Variants in MYH15 observed in about 807,000 individuals in gnomAD.
MYH15 encodes myosin heavy chain 15, also known as myosin-15.
MYH15 carries 227 observed loss-of-function variants against 240.5 expected under a neutral mutation model. That is an observed-to-expected ratio of 0.94 (90% confidence interval 0.85 to 1.05). MYH15 has a LOEUF of 1.05. Among genes scored for constraint, MYH15 ranks in the 50% least tolerant of loss-of-function variants. The pLI is 0.00. For synonymous variants in MYH15, 785 were observed against 796.7 expected, an observed-to-expected ratio of 0.99 and a Z score of 0.25; for missense variants, 2,217 against 2,247.5, an observed-to-expected ratio of 0.99 and a Z score of 0.27.
At chr3:108,549,364 G>A in the MYH15 span, among the ~76,000 whole-genome samples, 103 of 151,900 alleles carry the variant, frequency 6.8e-4, 1 homozygote, top group Non-Finnish European at 1.2e-3. Context: ...AATATGAAAG[G>A]TGTTACAAGA....
chr3:108,399,319 A>C, intron 33 of MYH15, 52 bp from the exon 34 acceptor site: 1 of 1,407,982 alleles, frequency 7.1e-7, no homozygotes, highest in South Asian at 1.2e-5. Flanking sequence ...CAAATTAATC[A>C]AATTCACCTG....
intron 37 of MYH15, among the ~76,000 whole-genome samples, chr3:108,389,884 G>C (rs1327684906): frequency 6.6e-6 from 1 of 152,064 alleles, no homozygotes. Flanking sequence ...TCTTGAGAAC[G>C]GGAAGGCCAG....
At chr3:108,509,759 G>A (rs1238826061) in intron 1 of MYH15, among the ~76,000 whole-genome samples, 3 of 151,992 alleles carry the variant, frequency 2.0e-5, no homozygotes, top group Non-Finnish European at 4.4e-5. Flanking sequence ...TGTAAAGGTA[G>A]CAGGAAAAAG....
At chr3:108,441,331 A>C in intron 22 of MYH15, 71 bp from the exon 23 acceptor site, 1 of 1,544,340 alleles carries the variant, frequency 6.5e-7, no homozygotes, top group African/African-American at 1.4e-5. Context: ...AATGCTGCTT[A>C]ACACACAGCA....
Position 108,428,476 on chromosome 3 carries a change from G to T in MYH15, c.3702+16C>A, listed in dbSNP as rs765297149. 65 of 1,592,902 alleles carry T rather than the reference G, an allele frequency of 4.1e-5. No homozygotes were observed. The highest frequency in any genetic ancestry group is 5.6e-5 in the Non-Finnish European group (65 of 1,166,920). ...CCATGTTCAGAAGACCACGAGGATG[G>T]CATGGGAGTATCTACCTTAGCTCTT... On this transcript the variant is annotated intron_variant, in intron 27 of 40. Transcript: ENST00000693548.
At chr3:108,462,117 G>T (rs571756788) in intron 16 of MYH15, among the ~76,000 whole-genome samples, 1 of 152,232 alleles carries the variant, frequency 6.6e-6, no homozygotes, top group East Asian at 1.9e-4. Context: ...AAACGTGTTT[G>T]AAGGCCAGTT....
At chr3:108,442,104 A>G (rs371448623) in intron 22 of MYH15, among the ~76,000 whole-genome samples, 28 of 152,228 alleles carry the variant, frequency 1.8e-4, no homozygotes, top group African/African-American at 6.8e-4. Context: ...TTGCTGTAAT[A>G]TAACTTTACA....
At position 108,399,858 on chromosome 3, in the gene MYH15, T is replaced by C. The variant is rs150247981; in HGVS notation, c.4737-591A>G. Among the ~76,000 whole-genome samples, 4 of 152,290 alleles carry C rather than the reference T, an allele frequency of 2.6e-5. No homozygotes were observed. In the East Asian group the frequency reaches 7.7e-4, roughly 29 times the overall value. On this transcript the variant is annotated intron_variant, in intron 33 of 40. Coordinates refer to ENST00000693548, the MANE Select transcript of MYH15 (RefSeq NM_014981.3). Reference sequence around the variant, plus strand: ...AGACAACCAATTGTGTGATATTGAATTACTTTAACACTTTAAATTCCTTCC... The same window carrying C: ...AGACAACCAATTGTGTGATATTGAACTACTTTAACACTTTAAATTCCTTCC...
At chr3:108,403,928 C>T (rs1473657017) in intron 33 of MYH15, among the ~76,000 whole-genome samples, 3 of 151,726 alleles carry the variant, frequency 2.0e-5, no homozygotes, top group Non-Finnish European at 4.4e-5. Flanking sequence ...CATTTCTCCT[C>T]AGCTGGGTTT....
chr3:108,451,739 T>A (rs1332526523), intron 21 of MYH15, among the ~76,000 whole-genome samples: 1 of 152,124 alleles, frequency 6.6e-6, no homozygotes, highest in African/African-American at 2.4e-5. Context: ...ATCTTATTCA[T>A]GAATATTGAT....
At position 108,492,574 on chromosome 3, in the gene MYH15, A is replaced by G; in HGVS notation, c.797T>C (p.Val266Ala). The change falls in exon 9 of 41, where the codon GTG (valine) becomes GCG (alanine). Residue 266 changes from valine to alanine, a missense_variant. Transcript: ENST00000693548. ...CCTCTCTCCAGCCTGCTGGAAAATCACCCTGGACTTTTCAAGCAAATCTGG... is the reference window on the plus strand; with the variant it reads ...CCTCTCTCCAGCCTGCTGGAAAATCGCCCTGGACTTTTCAAGCAAATCTGG... ...IDIYLLEKSR[V>A]IFQQAGERNY... The G allele has an allele frequency of 6.2e-7, 1 of 1,613,274 alleles. No individual in the cohort carries two copies. Among genetic ancestry groups the G allele is most frequent in the Non-Finnish European group, 8.5e-7 (1 of 1,179,430 alleles).
At chr3:108,406,618 T>A (rs745460384) in intron 32 of MYH15, among the ~76,000 whole-genome samples, 1 of 152,208 alleles carries the variant, frequency 6.6e-6, no homozygotes, top group Non-Finnish European at 1.5e-5. Context: ...GTGAGTTTTA[T>A]GGCTTTAAAA....
At chr3:108,498,296 T>A in intron 5 of MYH15, 151 bp from the exon 6 acceptor site, 1 of 669,454 alleles carries the variant, frequency 1.5e-6, no homozygotes. Context: ...TATTGACATT[T>A]AATTGGTTGG....
At chr3:108,532,165 G>A (rs1019989003), upstream of MYH15, among the ~76,000 whole-genome samples, 5 of 151,814 alleles carry the variant, frequency 3.3e-5, no homozygotes, top group African/African-American at 1.2e-4. Flanking sequence ...TTAAATTTTT[G>A]TCTTGACTTG....
chr3:108,458,915 G>C (rs1201367850), intron 18 of MYH15, among the ~76,000 whole-genome samples: 1 of 152,110 alleles, frequency 6.6e-6, no homozygotes, highest in Non-Finnish European at 1.5e-5. Flanking sequence ...ACTAGAGGGT[G>C]TTCTCAACAA....
rs74826008 is a variant in MYH15 at position 108,529,165 on chromosome 3, C to T, written c.-58+98G>A. 5,495 of 1,133,842 alleles carry T rather than the reference C, an allele frequency of 4.8e-3. 118 individuals are homozygous for T. The African/African-American group carries it at 0.06, about 12-fold the overall frequency. The allele number at this position is 1,133,842 out of a possible 1,614,324, so 70.2% of individuals were successfully genotyped here. ...CTATCATGTAGTAATTGGTGTGCTG[C>T]TGATTAAGACCATCAAGAATAAAAT... On this transcript the variant is annotated intron_variant, in intron 1 of 41. Transcript: ENST00000273353.
At chr3:108,457,519 C>T (rs1245184994) in intron 18 of MYH15, among the ~76,000 whole-genome samples, 1 of 151,982 alleles carries the variant, frequency 6.6e-6, no homozygotes, top group Non-Finnish European at 1.5e-5. Context: ...CCAATAGAAG[C>T]CTTTGAAAAA....
intron 30 of MYH15, 35 bp downstream of exon 30, chr3:108,414,197 T>G (rs1162269358): frequency 6.3e-7 from 1 of 1,590,398 alleles, no homozygotes; most frequent in Non-Finnish European, 8.6e-7. Flanking sequence ...TCCATGTGAG[T>G]AACTCCAGGT....
At chr3:108,403,540 T>C (rs1330811894) in intron 33 of MYH15, among the ~76,000 whole-genome samples, 2 of 151,020 alleles carry the variant, frequency 1.3e-5, no homozygotes, top group Admixed American at 6.6e-5. Flanking sequence ...TCAGTTTCCT[T>C]AAGATGCCCT....
Sources: allele counts gnomAD v4.1 joint callset (sites outside exome capture counted in the v4.1 genomes callset), GRCh38; gene constraint gnomAD v4.1.1; transcripts MANE v1.5; gene names NCBI Gene and HGNC (gene_info 2026-07-23, HGNC 2026-07-21).